PRKN: variants seen among roughly 807,000 people sequenced by gnomAD.
The protein encoded by PRKN is parkin RBR E3 ubiquitin protein ligase.
In PRKN, 56 loss-of-function variants were observed where a neutral mutation model predicts 59.5. That is an observed-to-expected ratio of 0.94 (90% CI 0.76 to 1.18). The LOEUF is 1.18. PRKN is among the 50% of genes most tolerant of loss of function. The probability of loss-of-function intolerance (pLI) is 0.00; values close to 1 mark genes in which losing one functional copy is unlikely to be tolerated. For missense variants in PRKN, 657 were observed against 596.4 expected, an observed-to-expected ratio of 1.10 and a Z score of -1.06; for synonymous variants, 250 against 222.1, an observed-to-expected ratio of 1.13 and a Z score of -1.12.
At chr6:162,260,589 G>C (rs1422469444) in intron 3 of PRKN, among the ~76,000 whole-genome samples, 1 of 151,990 alleles carries the variant, frequency 6.6e-6, no homozygotes, top group African/African-American at 2.4e-5. Flanking sequence ...TCTCATAAAA[G>C]AAAATTCTGG....
At position 162,727,658 on chromosome 6, in the gene PRKN, G is replaced by T; in HGVS notation, c.7+4C>A. 6.3e-7 allele frequency: 1 copy of T among 1,585,452 alleles called. No homozygotes were observed. On this transcript the variant is annotated splice_donor_region_variant and intron_variant, in intron 1 of 11. Coordinates refer to ENST00000366898, the MANE Select transcript of PRKN (RefSeq NM_004562.3). The stretch of plus-strand genomic sequence containing the variant: ...GAGGCTGTACCTGGCAGGTACCCAC[G>T]TACCTATCATGGTCACTGGGTAGGT...
chr6:162,077,513 A>G (rs1345228450), intron 4 of PRKN, among the ~76,000 whole-genome samples: 3 of 152,056 alleles, frequency 2.0e-5, no homozygotes, highest in African/African-American at 7.3e-5. Context: ...AGTGCAAGTA[A>G]AATAGAGGGA....
chr6:161,785,797 T>C lies in PRKN; in HGVS notation c.846A>G (p.Gln282=), dbSNP rs552639631. 1.2e-6 allele frequency: 2 copies of C among 1,613,956 alleles called. No individual in the cohort carries two copies. The highest frequency in any genetic ancestry group is 2.7e-5 in the African/African-American group (2 of 74,914). ...LNDRQFVHDP[Q]LGYSLPCVAG... ...CCACACAAGGCAGGGAGTAGCCAAG[T>C]TGAGGGTCGTGAACAAACTGCCGAT... The change falls in exon 7 of 12, where the codon CAA becomes CAG. Residue 282 remains glutamine (Q), a synonymous_variant. Transcript: ENST00000366898.
chr6:161,590,296 T>A (rs1189527099), intron 7 of PRKN, among the ~76,000 whole-genome samples: 1 of 152,078 alleles, frequency 6.6e-6, no homozygotes, highest in Non-Finnish European at 1.5e-5. Context: ...TCCAACACTC[T>A]TGCCAAAAAT....
chr6:161,772,396 T>C (rs1425069151), intron 7 of PRKN, among the ~76,000 whole-genome samples: 2 of 152,200 alleles, frequency 1.3e-5, no homozygotes, highest in Non-Finnish European at 2.9e-5. Context: ...TAATGTTGCA[T>C]ATTGCCGAGC....
At chr6:162,220,810 T>G (rs1256750395) in intron 3 of PRKN, among the ~76,000 whole-genome samples, 1 of 152,030 alleles carries the variant, frequency 6.6e-6, no homozygotes, top group African/African-American at 2.4e-5. Context: ...GACTGAAATT[T>G]GGAGTCATGG....
rs1029214533 is a variant in PRKN, at chr6:161,448,475, G to C, written c.1084-61598C>G. Among the ~76,000 whole-genome samples the C allele has an allele frequency of 1.3e-5, 2 of 152,112 alleles. No individual in the cohort carries two copies. Among genetic ancestry groups the C allele is most frequent in the Non-Finnish European group, 2.9e-5 (2 of 68,030 alleles). On this transcript the variant is annotated intron_variant, in intron 9 of 11. Coordinates refer to ENST00000366898, the MANE Select transcript of PRKN (RefSeq NM_004562.3). This position sits in a 1 kb window ranked among gnomAD's most constrained non-coding sequence, Gnocchi z 5.1. ...CTTAGATTTAATGCTGATTTCGGGG[G>C]GCATTTTTGCTTCAAATTTGTAAAA...
Position 161,466,059 on chromosome 6 carries a change from T to C in PRKN, c.1084-79182A>G, listed in dbSNP as rs992991828. On this transcript the variant is annotated intron_variant, in intron 9 of 11. Coordinates refer to ENST00000366898, the MANE Select transcript of PRKN (RefSeq NM_004562.3). The surrounding 1 kb of genome is among the most constrained non-coding windows in gnomAD (Gnocchi z 5.0). ...ACACTTCTATCACCACACATAGTTA[T>C]CTTTGTGTGTGTGTGTGTGTGTGTC... Among the ~76,000 whole-genome samples the C allele has an allele frequency of 7.7e-5, 11 of 142,392 alleles. No homozygotes were observed. The highest frequency in any genetic ancestry group is 3.0e-4 in the African/African-American group (10 of 33,292). The allele number at this position is 142,392 out of a possible 152,430, so 93.4% of individuals were successfully genotyped here.
At chr6:162,538,151 C>T (rs1255715060) in intron 1 of PRKN, among the ~76,000 whole-genome samples, 1 of 152,202 alleles carries the variant, frequency 6.6e-6, no homozygotes, top group African/African-American at 2.4e-5. Context: ...GTAATCCCAG[C>T]ACTTTGAGAG....
intron 7 of PRKN, among the ~76,000 whole-genome samples, chr6:161,589,039 T>C (rs1781620745): frequency 6.6e-6 from 1 of 152,242 alleles, no homozygotes; most frequent in South Asian, 2.1e-4. Context: ...GTTTTAGTTC[T>C]TGGTTTCTTA....
chr6:161,923,405 C>G (rs1778852297), intron 6 of PRKN, among the ~76,000 whole-genome samples: 1 of 152,154 alleles, frequency 6.6e-6, no homozygotes, highest in Non-Finnish European at 1.5e-5. Flanking sequence ...ATTGCTTGAA[C>G]CCGGGAGGTG....
intron 6 of PRKN, among the ~76,000 whole-genome samples, chr6:161,915,438 TAC>T: frequency 6.6e-6 from 1 of 152,308 alleles, no homozygotes; most frequent in Admixed American, 6.5e-5. Context: ...CTTACTTTGA[TAC>T]ATTTTTAAAG....
chr6:161,549,702 C>G lies in PRKN; in HGVS notation c.934-699G>C, dbSNP rs556652846. Among the ~76,000 whole-genome samples the G allele has an allele frequency of 1.1e-4, 17 of 152,276 alleles. No individual in the cohort carries two copies. Among genetic ancestry groups the G allele is most frequent in the Admixed American group, 8.5e-4 (13 of 15,306 alleles). ...TCCATCAGACCATTTTCAAGGTCTT[C>G]TTTGTGGCAGCCCTACACTTTTGAT... On this transcript the variant is annotated intron_variant, in intron 8 of 11. Transcript: ENST00000366898. This position sits in a 1 kb window ranked among gnomAD's most constrained non-coding sequence, Gnocchi z 6.0.
At chr6:161,564,690 CA>C (rs1458601400) in intron 8 of PRKN, among the ~76,000 whole-genome samples, 1 of 152,172 alleles carries the variant, frequency 6.6e-6, no homozygotes, top group Non-Finnish European at 1.5e-5. Flanking sequence ...CTACACCATG[CA>C]CTATTTCCCC....
At chr6:161,433,766 C>T (rs1788756014) in intron 9 of PRKN, among the ~76,000 whole-genome samples, 1 of 151,982 alleles carries the variant, frequency 6.6e-6, no homozygotes, top group Admixed American at 6.6e-5. Context: ...CCTGTAATCC[C>T]AGCACTTTGG....
intron 2 of PRKN, among the ~76,000 whole-genome samples, chr6:162,366,164 A>AT (rs1785427246): frequency 6.6e-6 from 1 of 152,170 alleles, no homozygotes; most frequent in Non-Finnish European, 1.5e-5. Context: ...GGTTATAATA[A>AT]TTTTTTTGTA....
At chr6:161,408,100 C>T (rs571041933) in intron 9 of PRKN, among the ~76,000 whole-genome samples, 1 of 152,246 alleles carries the variant, frequency 6.6e-6, no homozygotes, top group East Asian at 1.9e-4. Context: ...TAAAAACATG[C>T]ACATGCTTTG....
intron 1 of PRKN, among the ~76,000 whole-genome samples, chr6:162,445,332 TC>T (rs751548676): frequency 8.5e-5 from 13 of 152,100 alleles, no homozygotes; most frequent in Non-Finnish European, 7.4e-5. Flanking sequence ...CAAATTTATT[TC>T]AATCTAACTC....
At chr6:161,704,138 T>C (rs1786384056) in intron 7 of PRKN, among the ~76,000 whole-genome samples, 1 of 151,992 alleles carries the variant, frequency 6.6e-6, no homozygotes, top group African/African-American at 2.4e-5. Context: ...TTGCAGGTGT[T>C]AGCCACCACG....
Sources: gnomAD v4.1 joint callset for allele counts (sites outside exome capture counted in the v4.1 genomes callset) on GRCh38, gnomAD v4.1.1 for gene constraint, Gnocchi (gnomAD v3.1) non-coding constraint, MANE v1.5 for transcripts, NCBI Gene and HGNC (gene_info 2026-07-23, HGNC 2026-07-21) for gene names.